Variants in ZNF44 observed in about 807,000 individuals in gnomAD.
ZNF44 encodes gonadotropin inducible transcription repressor-2.
In ZNF44, 9 loss-of-function variants were observed where a neutral mutation model predicts 11.7. The ratio of observed to expected loss-of-function variants is 0.77; its 90% CI spans 0.46 to 1.35. ZNF44 has a LOEUF of 1.35. Ranked by LOEUF, ZNF44 falls within the 40% of genes most tolerant of loss-of-function variation. The pLI is 0.00. For missense variants in ZNF44, 696 were observed against 743.1 expected, an observed-to-expected ratio of 0.94 and a Z score of 0.74; for synonymous variants, 224 against 242.7, an observed-to-expected ratio of 0.92 and a Z score of 0.72.
intron 5 of ZNF44, among the ~76,000 whole-genome samples, chr19:12,256,893 G>T (rs1917285880): frequency 6.6e-6 from 1 of 151,644 alleles, no homozygotes; most frequent in African/African-American, 2.4e-5. Flanking sequence ...TTTAAAGTAG[G>T]GACAGGTTTT....
chr19:12,271,326 C>T (rs1380723195), downstream of ZNF44, among the ~76,000 whole-genome samples: 1 of 152,170 alleles, frequency 6.6e-6, no homozygotes, highest in East Asian at 1.9e-4. Context: ...AACTAAATAT[C>T]TGCAAATATG....
At chr19:12,293,761 A>C (rs438963) in intron 1 of ZNF44, among the ~76,000 whole-genome samples, 59,969 of 151,828 alleles carry the variant, frequency 0.39, 13,310 homozygotes, top group African/African-American at 0.61. Flanking sequence ...CCCTGATGCC[A>C]ATATCTTTGA....
At chr19:12,284,748 A>G (rs1031730287) in intron 1 of ZNF44, 17 of 785,060 alleles carry the variant, frequency 2.2e-5, no homozygotes, top group Non-Finnish European at 3.5e-5. Context: ...GGAGGCAGCC[A>G]CTGCCATCCG....
Position 12,275,167 on chromosome 19 carries a change from G to T in ZNF44, c.131-134C>A, listed in dbSNP as rs118144338. On this transcript the variant is annotated intron_variant, in intron 2 of 3. Coordinates refer to ENST00000355684, the MANE Select transcript of ZNF44 (RefSeq NM_016264.4). ...GTTGACTCCTGAACAACACAGGTTT[G>T]AACTGCACAAGTCCATTTATATATA... The T allele has an allele frequency of 5.3e-3, 3,001 of 566,318 alleles. 55 individuals carry two copies. Among genetic ancestry groups the T allele is most frequent in the Admixed American group, 0.046 (1,256 of 27,028 alleles). 35.1% of individuals were successfully genotyped at this position (566,318 alleles called of 1,614,324 possible). A position where few individuals can be genotyped will look rare whatever the true frequency, so the allele number is the denominator to read the frequency against.
At chr19:12,274,434 A>C (rs1967126495) in intron 3 of ZNF44, among the ~76,000 whole-genome samples, 1 of 151,910 alleles carries the variant, frequency 6.6e-6, no homozygotes, top group Admixed American at 6.6e-5. Flanking sequence ...CACCACACCC[A>C]GCTAATTTTT....
rs571552339 is a variant in ZNF44, at chr19:12,266,452, T to A, written c.1912+6035A>T. ...ACCCAAACCCACGGGCTTTAGCGCGTCGCCCCGCCTGCTGCCCTACAGCAC... is the reference window on the plus strand; with the variant it reads ...ACCCAAACCCACGGGCTTTAGCGCGACGCCCCGCCTGCTGCCCTACAGCAC... On this transcript the variant is annotated intron_variant and NMD_transcript_variant, in intron 5 of 7. Transcript: ENST00000393337. 18 of 496,938 alleles carry A rather than the reference T, an allele frequency of 3.6e-5. No homozygotes were observed. The South Asian group carries it at 1.5e-3, about 40-fold the overall frequency. 30.8% of individuals were successfully genotyped at this position (496,938 alleles called of 1,614,324 possible).
upstream of ZNF44, among the ~76,000 whole-genome samples, chr19:12,239,271 G>A (rs952112398): frequency 1.1e-4 from 17 of 151,728 alleles, no homozygotes; most frequent in African/African-American, 3.6e-4. Context: ...ACACCACCAT[G>A]CCCAGCTAAT....
chr19:12,275,761 G>A (rs1350496854), intron 2 of ZNF44, among the ~76,000 whole-genome samples, 195 bp downstream of exon 2: 5 of 152,192 alleles, frequency 3.3e-5, no homozygotes, highest in Admixed American at 2.0e-4. Context: ...TAAGGCTGCT[G>A]GTCAAAAGTA....
rs1339161323 is a variant in ZNF44 at position 12,275,040 on chromosome 19, G to C, written c.131-7C>G. On this transcript the variant is annotated splice_polypyrimidine_tract_variant and splice_region_variant and intron_variant, in intron 2 of 3. Transcript: ENST00000355684. Reference sequence around the variant, plus strand: ...TGGTTTTCCCATTTCATTCCTAAAAGAGAGATCCAGAAAATTCACTATAAA... The same window carrying C: ...TGGTTTTCCCATTTCATTCCTAAAACAGAGATCCAGAAAATTCACTATAAA... The C allele has an allele frequency of 1.3e-6, 2 of 1,563,076 alleles. No homozygotes were observed. Among genetic ancestry groups the C allele is most frequent in the Non-Finnish European group, 1.7e-6 (2 of 1,157,288 alleles).
At position 12,277,820 on chromosome 19, in the gene ZNF44, A is replaced by G. The variant is rs140899850; in HGVS notation, c.4-1738T>C. Among the ~76,000 whole-genome samples the G allele has an allele frequency of 2.0e-3, 310 of 152,292 alleles. 1 individual carries two copies. The highest frequency in any genetic ancestry group is 7.1e-3 in the African/African-American group (294 of 41,546). ...TTTGAATCAGTCTGGGGACTAACCG[A>G]AGGTCTGAAACAAGGCTCTCTTTTC... On this transcript the variant is annotated intron_variant, in intron 1 of 3. Coordinates refer to ENST00000355684, the MANE Select transcript of ZNF44 (RefSeq NM_016264.4).
At chr19:12,244,270 G>T (rs879466318), downstream of ZNF44, among the ~76,000 whole-genome samples, 8 of 152,126 alleles carry the variant, frequency 5.3e-5, no homozygotes, top group Non-Finnish European at 1.0e-4. Flanking sequence ...TCCCAAGTAC[G>T]TGGAATTATA....
chr19:12,271,202 C>G (rs2438532), downstream of ZNF44, among the ~76,000 whole-genome samples: 65,144 of 152,042 alleles, frequency 0.43, 16,592 homozygotes, highest in African/African-American at 0.73. Flanking sequence ...CCTCAGCTAA[C>G]ATCCTTTGAT....
chr19:12,258,598 A>G (rs1917367864), intron 5 of ZNF44, among the ~76,000 whole-genome samples: 1 of 152,114 alleles, frequency 6.6e-6, no homozygotes, highest in South Asian at 2.1e-4. Flanking sequence ...GGGAGGCCAC[A>G]GCAGGTGAAT....
At chr19:12,229,996 G>T (rs1916091263) in intron 3 of ZNF44, among the ~76,000 whole-genome samples, 1 of 152,144 alleles carries the variant, frequency 6.6e-6, no homozygotes, top group African/African-American at 2.4e-5. Context: ...GAAGCAGAAA[G>T]CCTGAATATA....
At chr19:12,250,493 T>G in intron 5 of ZNF44, 1 of 870,196 alleles carries the variant, frequency 1.1e-6, no homozygotes, top group Non-Finnish European at 1.5e-6. Flanking sequence ...ATGAATTTGT[T>G]GTCAGAACTC....
downstream of ZNF44, among the ~76,000 whole-genome samples, chr19:12,243,282 A>G (rs1916679772): frequency 6.6e-6 from 1 of 152,210 alleles, no homozygotes; most frequent in South Asian, 2.1e-4. Flanking sequence ...TGTACATTAA[A>G]TCTCCAGAAC....
chr19:12,246,700 T>C (rs1032034285), downstream of ZNF44, among the ~76,000 whole-genome samples: 1 of 152,128 alleles, frequency 6.6e-6, no homozygotes, highest in Non-Finnish European at 1.5e-5. Flanking sequence ...TGAAAATAAG[T>C]AGGAACCCAG....
At chr19:12,276,549 G>C (rs1166740798) in intron 1 of ZNF44, among the ~76,000 whole-genome samples, 2 of 152,164 alleles carry the variant, frequency 1.3e-5, no homozygotes, top group African/African-American at 4.8e-5. Context: ...GGGGTGGAGT[G>C]TGCCTAAACT....
intron 5 of ZNF44, among the ~76,000 whole-genome samples, chr19:12,259,375 T>C (rs779854342): frequency 6.6e-6 from 1 of 152,194 alleles, no homozygotes; most frequent in Non-Finnish European, 1.5e-5. Context: ...GCCCTAGTAT[T>C]AATCCCATGA....
Sources: gnomAD v4.1 joint callset for allele counts (sites outside exome capture counted in the v4.1 genomes callset) on GRCh38, gnomAD v4.1.1 for gene constraint, MANE v1.5 for transcripts, NCBI Gene and HGNC (gene_info 2026-07-23, HGNC 2026-07-21) for gene names.